Variants in GLCCI1 observed in about 807,000 individuals in gnomAD.
GLCCI1 encodes glucocorticoid induced 1.
A neutral mutation model predicts 52.2 loss-of-function variants in GLCCI1; 24 were observed. The observed-to-expected ratio is 0.46, with a 90% CI of 0.33 to 0.65. The LOEUF is 0.65. Ranked by LOEUF, GLCCI1 falls within the 30% of genes least tolerant of loss-of-function variation. The probability of loss-of-function intolerance (pLI) is 0.02; values close to 1 mark genes in which losing one functional copy is unlikely to be tolerated. For synonymous variants in GLCCI1, 310 were observed against 276.5 expected (o/e 1.12, Z -1.20); for missense variants, 704 against 701.5 (o/e 1.00, Z -0.04).
chr7:8,086,207 T>C lies in GLCCI1; in HGVS notation c.1313T>C (p.Ile438Thr), dbSNP rs1431676809. Residue 438 changes from isoleucine to threonine, a missense_variant, in exon 8 of 8, where the codon ATC (isoleucine) becomes ACC (threonine). Physicochemically the swap from Ile to Thr is moderately conservative, Grantham distance 89. Around this residue, in one of 3 missense-constraint regions of GLCCI1, gnomAD observed 149 missense variants for 152.9 expected, o/e 0.97. Transcript: ENST00000223145. This position sits in a 1 kb window ranked among gnomAD's most constrained non-coding sequence, Gnocchi z 4.4. Reference sequence around the variant, plus strand: ...TATGGTTTTAGGTCTCGTCAGCCTATCTCGGCCCCTCTCTTTTCATGTCCT... The same window carrying C: ...TATGGTTTTAGGTCTCGTCAGCCTACCTCGGCCCCTCTCTTTTCATGTCCT... ...VFEEMASRQPISAPLFSCPDK... is the reference protein window; with the variant it reads ...VFEEMASRQPTSAPLFSCPDK... The C allele has an allele frequency of 1.2e-6, 2 of 1,613,322 alleles. No individual in the cohort carries two copies. Among genetic ancestry groups the C allele is most frequent in the Admixed American group, 1.7e-5 (1 of 59,890 alleles).
intron 1 of GLCCI1, chr7:7,981,525 A>G: frequency 5.2e-6 from 1 of 191,992 alleles, no homozygotes; most frequent in Non-Finnish European, 1.1e-5. Context: ...GTTTTGCCAT[A>G]TTGGCCAGGC....
At chr7:8,046,290 C>T (rs1782125387) in intron 3 of GLCCI1, among the ~76,000 whole-genome samples, 1 of 152,144 alleles carries the variant, frequency 6.6e-6, no homozygotes, top group South Asian at 2.1e-4. Context: ...ATTCAGAGCC[C>T]TCCCTCAACC....
intron 2 of GLCCI1, among the ~76,000 whole-genome samples, chr7:8,016,759 C>T (rs1309284624): frequency 6.6e-6 from 1 of 152,178 alleles, no homozygotes; most frequent in Non-Finnish European, 1.5e-5. Context: ...TGTTAAGCTT[C>T]TAGCACAGTA....
At chr7:7,970,005 G>A (rs1164499303) in intron 1 of GLCCI1, 198 bp downstream of exon 1, 1 of 571,088 alleles carries the variant, frequency 1.8e-6, no homozygotes, top group Non-Finnish European at 2.4e-6. Context: ...TGACCCTCAT[G>A]CCGCCCCTCA....
Position 7,969,097 on chromosome 7 carries a change from C to T in GLCCI1, c.-254C>T. On this transcript the variant is annotated 5_prime_UTR_variant, in exon 1 of 8. Coordinates refer to ENST00000223145, the MANE Select transcript of GLCCI1 (RefSeq NM_138426.4). The surrounding 1 kb of genome is among the most constrained non-coding windows in gnomAD (Gnocchi z 4.9). Reference sequence around the variant, plus strand: ...GGGCTCCTTGCGGCCCCGGCCGTGACCGCCACACCGAGCCCAGCCGGGCGG... The same window carrying T: ...GGGCTCCTTGCGGCCCCGGCCGTGATCGCCACACCGAGCCCAGCCGGGCGG... 4.8e-6 allele frequency: 1 copy of T among 208,838 alleles called. No individual in the cohort carries two copies. The highest frequency in any genetic ancestry group is 9.3e-6 in the Non-Finnish European group (1 of 107,728). 12.9% of individuals were successfully genotyped at this position (208,838 alleles called of 1,614,324 possible).
Position 8,017,540 on chromosome 7 carries a change from C to G in GLCCI1, c.610-4943C>G, listed in dbSNP as rs553645678. 1.4e-3 allele frequency among the ~76,000 whole-genome samples: 208 copies of G among 152,188 alleles called. 1 individual carries two copies. Among genetic ancestry groups the G allele is most frequent in the Middle Eastern group, 0.014 (4 of 294 alleles). On this transcript the variant is annotated intron_variant, in intron 2 of 7. Transcript: ENST00000223145. ...GTCTGAGGTTGAGCCTGAGAATTTG[C>G]TTTTCTAACATGTGATGATGCTGCT...
intron 3 of GLCCI1, among the ~76,000 whole-genome samples, chr7:8,035,213 T>C (rs897859727): frequency 1.3e-5 from 2 of 152,170 alleles, no homozygotes; most frequent in Admixed American, 6.5e-5. Flanking sequence ...TGCACAAAAG[T>C]GTGTGCTGTC....
chr7:7,979,343 C>T (rs1235582513), intron 1 of GLCCI1, among the ~76,000 whole-genome samples: 5 of 150,892 alleles, frequency 3.3e-5, no homozygotes, highest in African/African-American at 1.2e-4. Flanking sequence ...AATAGTGGGT[C>T]AAATTCTTAG....
At chr7:8,053,143 TTAAG>T (rs1782298030) in intron 3 of GLCCI1, among the ~76,000 whole-genome samples, 1 of 151,894 alleles carries the variant, frequency 6.6e-6, no homozygotes, top group African/African-American at 2.4e-5. Context: ...TTCTCAGATG[TTAAG>T]TAAGGCCAGT....
At chr7:8,055,955 T>G (rs1217075909) in intron 4 of GLCCI1, among the ~76,000 whole-genome samples, 1 of 145,894 alleles carries the variant, frequency 6.9e-6, no homozygotes, top group Non-Finnish European at 1.5e-5. Context: ...ATCGCGCCGC[T>G]GCACTTCAGC....
chr7:7,998,191 T>G (rs1780978441), intron 1 of GLCCI1, among the ~76,000 whole-genome samples: 2 of 143,284 alleles, frequency 1.4e-5, no homozygotes, highest in East Asian at 4.1e-4. Flanking sequence ...TTTTTTTTTT[T>G]GTTGTTGTTG....
At chr7:8,005,136 C>T (rs1279594478) in intron 2 of GLCCI1, among the ~76,000 whole-genome samples, 1 of 152,026 alleles carries the variant, frequency 6.6e-6, no homozygotes, top group African/African-American at 2.4e-5. Context: ...ACTAGCAAAA[C>T]TTAGAGGTGT....
intron 1 of GLCCI1, chr7:7,982,007 G>T: frequency 2.4e-6 from 1 of 425,420 alleles, no homozygotes; most frequent in South Asian, 1.9e-5. Flanking sequence ...TTTGGAGTTT[G>T]GTCACTACGA....
In GLCCI1 at chr7:7,976,183, TAAAG is replaced by T. The variant is rs572246877; in HGVS notation, c.457+6379_457+6382del. On this transcript the variant is annotated intron_variant, in intron 1 of 7. Transcript: ENST00000223145. ...TGGCTCACCAAAAAGAATGATGATT[TAAAG>T]AAGCTAGTGGGCTGGGCGCAGTGGC... 3.2e-3 allele frequency among the ~76,000 whole-genome samples: 491 copies of T among 152,144 alleles called. 4 individuals carry two copies. Among genetic ancestry groups the T allele is most frequent in the African/African-American group, 0.011 (468 of 41,506 alleles).
intron 5 of GLCCI1, chr7:8,070,281 T>A (rs887578580): frequency 4.6e-5 from 7 of 152,258 alleles, no homozygotes; most frequent in African/African-American, 1.7e-4. Context: ...TTATGAGTAG[T>A]CCTACTTAGT....
intron 3 of GLCCI1, among the ~76,000 whole-genome samples, chr7:8,051,225 G>A (rs909372368): frequency 5.3e-5 from 8 of 152,148 alleles, no homozygotes; most frequent in East Asian, 1.9e-4. Context: ...TCTAATGTCC[G>A]TTGTTAGAAA....
At chr7:7,983,568 T>C (rs1780665042) in intron 1 of GLCCI1, among the ~76,000 whole-genome samples, 1 of 152,216 alleles carries the variant, frequency 6.6e-6, no homozygotes, top group African/African-American at 2.4e-5. Context: ...CAGCATCTAC[T>C]ATGGTTTCTG....
chr7:8,034,574 G>A (rs771168087), intron 3 of GLCCI1, among the ~76,000 whole-genome samples: 2 of 152,154 alleles, frequency 1.3e-5, no homozygotes, highest in African/African-American at 2.4e-5. Context: ...TATTTCATCA[G>A]AGAAGAGGAT....
At chr7:7,971,108 T>C (rs1780345302) in intron 1 of GLCCI1, among the ~76,000 whole-genome samples, 1 of 152,178 alleles carries the variant, frequency 6.6e-6, no homozygotes, top group African/African-American at 2.4e-5. Context: ...GTGTAGGATG[T>C]AGTGCAGTGG....
Sources: gnomAD v4.1 joint callset for allele counts (sites outside exome capture counted in the v4.1 genomes callset) on GRCh38, gnomAD v4.1.1 for gene constraint, gnomAD v4.1.1 regional missense constraint, Gnocchi (gnomAD v3.1) non-coding constraint, MANE v1.5 for transcripts, NCBI Gene and HGNC (gene_info 2026-07-23, HGNC 2026-07-21) for gene names.